The following NID2 variants were observed in gnomAD, a reference collection of about 807,000 sequenced individuals.
NID2 encodes nidogen 2, also known as nidogen-2.
Under a neutral mutation model 145.4 loss-of-function variants are expected in NID2, and 83 were observed. The observed-to-expected ratio is 0.57, with a 90% CI of 0.48 to 0.69. NID2 has a LOEUF of 0.69. NID2 is among the 30% of genes least tolerant of loss of function. The pLI, the probability that NID2 is intolerant of heterozygous loss-of-function variation, is 0.00. For missense variants in NID2, 1,807 were observed against 1,765.7 expected, an observed-to-expected ratio of 1.02 and a Z score of -0.42; for synonymous variants, 739 against 701.3, an observed-to-expected ratio of 1.05 and a Z score of -0.85.
intron 12 of NID2, among the ~76,000 whole-genome samples, chr14:52,026,412 C>T (rs1255431535): frequency 6.6e-6 from 1 of 152,184 alleles, no homozygotes; most frequent in African/African-American, 2.4e-5. Context: ...AAACACGTTT[C>T]CCACCATTCT....
intron 8 of NID2, among the ~76,000 whole-genome samples, chr14:52,040,413 T>G (rs1892236316): frequency 6.6e-6 from 1 of 152,220 alleles, no homozygotes; most frequent in Non-Finnish European, 1.5e-5. Flanking sequence ...ATGTTGCTAT[T>G]GATTTTATTA....
intron 3 of NID2, among the ~76,000 whole-genome samples, chr14:52,059,362 G>C (rs1002815431): frequency 6.6e-6 from 1 of 152,164 alleles, no homozygotes; most frequent in Non-Finnish European, 1.5e-5. Context: ...GCAGTTAAAG[G>C]AGGCCAGGAA....
At chr14:52,054,549 T>C (rs74477580) in intron 3 of NID2, among the ~76,000 whole-genome samples, 3,219 of 152,176 alleles carry the variant, frequency 0.021, 38 homozygotes, top group Middle Eastern at 0.041. Flanking sequence ...AAAACCCTTT[T>C]CTAAAAAACT....
intron 13 of NID2, 57 bp downstream of exon 13, chr14:52,020,002 A>C: frequency 1.3e-6 from 2 of 1,597,144 alleles, no homozygotes; most frequent in Non-Finnish European, 8.5e-7. Context: ...GTCATAGAAA[A>C]ATATCCTTGA....
intron 5 of NID2, among the ~76,000 whole-genome samples, chr14:52,046,508 A>C (rs1892501583): frequency 6.6e-6 from 1 of 152,134 alleles, no homozygotes; most frequent in Non-Finnish European, 1.5e-5. Flanking sequence ...AAACAAGGAG[A>C]GAGAAGATGG....
chr14:52,038,972 T>C lies in NID2; in HGVS notation c.2032A>G (p.Thr678Ala). 1.9e-6 allele frequency: 3 copies of C among 1,604,782 alleles called. No homozygotes were observed. The highest frequency in any genetic ancestry group is 2.6e-6 in the Non-Finnish European group (3 of 1,175,466). The change falls in exon 9 of 22, where the codon ACC becomes GCC. Residue 678 changes from threonine to alanine, a missense_variant. Coordinates refer to ENST00000216286, the MANE Select transcript of NID2 (RefSeq NM_007361.4). The stretch of plus-strand genomic sequence containing the variant: ...GAGTAGTCTCTGGAACTTGTAGAGG[T>C]CACAGCTGCAACAAACACAGTGGTA... ...ELYHYSDSTV[T>A]STSSRDYSLT...
rs1169023050 is a variant in NID2 at position 52,053,648 on chromosome 14, G to C, written c.1360C>G (p.His454Asp). 1 of 1,614,110 alleles carries C rather than the reference G, an allele frequency of 6.2e-7. No individual in the cohort carries two copies. The highest frequency in any genetic ancestry group is 1.3e-5 in the African/African-American group (1 of 74,940). The change falls in exon 5 of 22, where the codon CAC becomes GAC. Residue 454 changes from histidine (H) to aspartate (D), a missense_variant. By Grantham distance (81) the His-to-Asp change is moderately conservative. Transcript: ENST00000216286. ...GTCCCTCGACTTAAGGGTGTAGTGTGACCTGAAGCAGGGTAACTTCGAAGA... is the reference window on the plus strand; with the variant it reads ...GTCCCTCGACTTAAGGGTGTAGTGTCACCTGAAGCAGGGTAACTTCGAAGA... ...IVLRSYPASG[H>D]TTPLSRGTYE...
intron 12 of NID2, among the ~76,000 whole-genome samples, chr14:52,022,612 G>A (rs1028585229): frequency 2.0e-5 from 3 of 152,172 alleles, no homozygotes; most frequent in Non-Finnish European, 4.4e-5. Context: ...TCAAGAAGTC[G>A]TAGAGCCCCT....
chr14:52,046,341 A>AAAAC (rs33978626), intron 5 of NID2, among the ~76,000 whole-genome samples: 5 of 123,166 alleles, frequency 4.1e-5, no homozygotes, highest in Non-Finnish European at 4.9e-5. Flanking sequence ...AAAAAAAAAA[A>AAAAC]AGCCGTTTTC....
At chr14:52,068,688 C>A (rs1655590562) in intron 1 of NID2, 79 bp downstream of exon 1, 2 of 1,307,484 alleles carry the variant, frequency 1.5e-6, no homozygotes, top group Non-Finnish European at 2.2e-6. Flanking sequence ...TGTTTCCTCC[C>A]CTCTGGAGGC....
intron 5 of NID2, among the ~76,000 whole-genome samples, chr14:52,051,083 A>T (rs1346608328): frequency 6.6e-6 from 1 of 152,218 alleles, no homozygotes; most frequent in Non-Finnish European, 1.5e-5. Flanking sequence ...GTGGCCTAGG[A>T]AGACAGAGCT....
At chr14:52,042,020 T>G in intron 7 of NID2, 85 bp downstream of exon 7, 11 of 1,465,696 alleles carry the variant, frequency 7.5e-6, no homozygotes, top group Non-Finnish European at 1.0e-5. Flanking sequence ...CCTCTGTCAC[T>G]GCGTAAAGGC....
chr14:52,024,051 A>G (rs1245143546), intron 12 of NID2, among the ~76,000 whole-genome samples: 1 of 152,180 alleles, frequency 6.6e-6, no homozygotes, highest in Non-Finnish European at 1.5e-5. Context: ...TTTATTCTTC[A>G]AGTTACTTTC....
At chr14:52,051,683 A>T (rs999377922) in intron 5 of NID2, among the ~76,000 whole-genome samples, 1 of 152,238 alleles carries the variant, frequency 6.6e-6, no homozygotes, top group African/African-American at 2.4e-5. Context: ...GCATGCTTCT[A>T]TACTTCATAC....
chr14:52,011,540 G>C lies in NID2; in HGVS notation c.3550+14C>G. On this transcript the variant is annotated intron_variant, in intron 17 of 21. Coordinates refer to ENST00000216286, the MANE Select transcript of NID2 (RefSeq NM_007361.4). ...AATCAAATGAAATGCAGACTGCTGA[G>C]TGAAGCTGCTGACCTGAATTCACGA... 6.2e-7 allele frequency: 1 copy of C among 1,614,008 alleles called. No homozygotes were observed.
intron 8 of NID2, among the ~76,000 whole-genome samples, chr14:52,039,399 C>T (rs984806715): frequency 3.3e-5 from 5 of 152,170 alleles, no homozygotes; most frequent in Non-Finnish European, 5.9e-5. Flanking sequence ...GACTCTACAC[C>T]CTAAATTTTA....
At chr14:52,064,321 A>G (rs1055937059) in intron 2 of NID2, among the ~76,000 whole-genome samples, 1 of 152,214 alleles carries the variant, frequency 6.6e-6, no homozygotes, top group Non-Finnish European at 1.5e-5. Flanking sequence ...ACTTCTTACA[A>G]TTATGGAGGC....
Position 52,028,861 on chromosome 14 carries a change from A to G in NID2, c.2402-11T>C. The G allele has an allele frequency of 6.2e-7, 1 of 1,612,500 alleles. No individual in the cohort carries two copies. On this transcript the variant is annotated splice_polypyrimidine_tract_variant and intron_variant, in intron 10 of 21. Transcript: ENST00000216286. ...CACATTCATTTTCATCTAAGAAGAA[A>G]TGAGAAGAGAAAAATTCTGCTTAAT... is the stretch of plus-strand genomic sequence containing the variant.
Position 52,068,835 on chromosome 14 carries a change from C to G in NID2, c.160G>C (p.Glu54Gln). ...GDQLLQEGDD[E>Q]SSAVVKLANP... ...GCCAGCTTCACCACGGCTGAGCTTT[C>G]GTCGTCGCCTTCCTGCAGGAGCTGG... Residue 54 changes from glutamate (E) to glutamine (Q), a missense_variant, in exon 1 of 22, where the codon GAA becomes CAA. Physicochemically the swap from Glu to Gln is conservative, Grantham distance 29. Transcript: ENST00000216286. The G allele has an allele frequency of 6.2e-7, 1 of 1,612,636 alleles. No individual in the cohort carries two copies. Among genetic ancestry groups the G allele is most frequent in the Non-Finnish European group, 8.5e-7 (1 of 1,180,006 alleles).
Sources: allele counts gnomAD v4.1 joint callset (sites outside exome capture counted in the v4.1 genomes callset), GRCh38; gene constraint gnomAD v4.1.1; transcripts MANE v1.5; gene names NCBI Gene and HGNC (gene_info 2026-07-23, HGNC 2026-07-21).